LEMD1: variants seen among roughly 807,000 people sequenced by gnomAD.
LEMD1 encodes LEM domain-containing protein 1.
A neutral mutation model predicts 17.4 loss-of-function variants in LEMD1; 18 were observed. That is an observed-to-expected ratio of 1.04 (90% confidence interval 0.72 to 1.54). LEMD1 has a LOEUF of 1.54. Ranked by LOEUF, LEMD1 falls within the 40% of genes most tolerant of loss-of-function variation. The pLI is 0.00. For missense variants in LEMD1, 195 were observed against 210.4 expected, an observed-to-expected ratio of 0.93 and a Z score of 0.45; for synonymous variants, 88 against 77.8, an observed-to-expected ratio of 1.13 and a Z score of -0.69.
At chr1:205,449,126 T>C (rs1201149837) in intron 1 of LEMD1, among the ~76,000 whole-genome samples, 1 of 152,022 alleles carries the variant, frequency 6.6e-6, no homozygotes, top group Non-Finnish European at 1.5e-5. Flanking sequence ...GACAAGGCTG[T>C]GGGAGGGGTG....
chr1:205,422,138 C>A (rs1665983902), upstream of LEMD1: 1 of 152,080 alleles, frequency 6.6e-6, no homozygotes, highest in Non-Finnish European at 1.5e-5. Flanking sequence ...CATCAGTAAC[C>A]CCCATAGCAA....
At chr1:205,391,946 GAAAAAA>G (rs60047814) in intron 4 of LEMD1, among the ~76,000 whole-genome samples, 29,549 of 109,976 alleles carry the variant, frequency 0.27, 3,139 homozygotes, top group Middle Eastern at 0.35. Flanking sequence ...CGTCTCTACC[GAAAAAA>G]AAAAAAAAAA....
At chr1:205,420,797 G>A (rs1292542892) in intron 1 of LEMD1, among the ~76,000 whole-genome samples, 1 of 152,118 alleles carries the variant, frequency 6.6e-6, no homozygotes, top group Non-Finnish European at 1.5e-5. Flanking sequence ...AGTGTCTTTA[G>A]GGCTCAATTA....
chr1:205,414,158 A>C (rs1248285999), intron 4 of LEMD1, among the ~76,000 whole-genome samples: 1 of 152,170 alleles, frequency 6.6e-6, no homozygotes, highest in Non-Finnish European at 1.5e-5. Context: ...GGTGTATAGC[A>C]AGTTTGCATC....
At chr1:205,413,859 A>T (rs1039325147) in intron 4 of LEMD1, among the ~76,000 whole-genome samples, 7 of 151,820 alleles carry the variant, frequency 4.6e-5, no homozygotes, top group African/African-American at 1.7e-4. Context: ...TCGCCATGTT[A>T]GCCAGACTGG....
intron 1 of LEMD1, among the ~76,000 whole-genome samples, chr1:205,439,445 C>T (rs559154470): frequency 6.6e-6 from 1 of 152,362 alleles, no homozygotes; most frequent in South Asian, 2.1e-4. Context: ...CCAGGAAAGG[C>T]CCCTGAGTGT....
chr1:205,410,782 C>T (rs191791522), intron 4 of LEMD1, among the ~76,000 whole-genome samples: 1 of 151,996 alleles, frequency 6.6e-6, no homozygotes, highest in Non-Finnish European at 1.5e-5. Flanking sequence ...CAGAGGTTAA[C>T]TTGAGCTCAA....
chr1:205,406,083 C>A (rs1310541957), intron 4 of LEMD1, among the ~76,000 whole-genome samples: 1 of 152,166 alleles, frequency 6.6e-6, no homozygotes, highest in Non-Finnish European at 1.5e-5. Flanking sequence ...CAGAGGAGTA[C>A]CCGGCTGTGT....
At chr1:205,410,965 G>A (rs1665365443) in intron 4 of LEMD1, among the ~76,000 whole-genome samples, 1 of 146,622 alleles carries the variant, frequency 6.8e-6, no homozygotes, top group Non-Finnish European at 1.5e-5. Context: ...AATAGAGAAA[G>A]AAAGAAGGAA....
At chr1:205,427,730 T>C (rs958742419) in intron 1 of LEMD1, among the ~76,000 whole-genome samples, 1 of 151,584 alleles carries the variant, frequency 6.6e-6, no homozygotes, top group Non-Finnish European at 1.5e-5. Context: ...AGAAAGATAA[T>C]AAAAGTGGAA....
intron 1 of LEMD1, among the ~76,000 whole-genome samples, chr1:205,428,866 A>G (rs559805040): frequency 6.6e-6 from 1 of 151,958 alleles, no homozygotes; most frequent in African/African-American, 2.4e-5. Context: ...TGGGGTGGAG[A>G]GTGGAGAGTG....
At chr1:205,390,211 C>T (rs12139623) in intron 4 of LEMD1, among the ~76,000 whole-genome samples, 10,742 of 151,994 alleles carry the variant, frequency 0.071, 458 homozygotes, top group East Asian at 0.11. Context: ...AAAAATTAGC[C>T]GGGCATGGTG....
At chr1:205,383,021 CTT>C (rs746998224) in intron 5 of LEMD1, among the ~76,000 whole-genome samples, 1 of 152,098 alleles carries the variant, frequency 6.6e-6, no homozygotes, top group Non-Finnish European at 1.5e-5. Flanking sequence ...ACTACTTACT[CTT>C]TTTATTCGTT....
intron 5 of LEMD1, among the ~76,000 whole-genome samples, chr1:205,383,150 G>A (rs560719349): frequency 2.0e-5 from 3 of 151,962 alleles, no homozygotes; most frequent in Non-Finnish European, 4.4e-5. Context: ...ATGCAGTGGC[G>A]TGATCATAGC....
chr1:205,445,995 C>T, intron 1 of LEMD1, among the ~76,000 whole-genome samples: 1 of 152,112 alleles, frequency 6.6e-6, no homozygotes, highest in East Asian at 1.9e-4. Context: ...CATGGGCCCA[C>T]TCTCGCAAGG....
At chr1:205,422,897 C>G (rs1666000584), upstream of LEMD1, among the ~76,000 whole-genome samples, 1 of 152,202 alleles carries the variant, frequency 6.6e-6, no homozygotes, top group Admixed American at 6.5e-5. Flanking sequence ...ACTAACTTCA[C>G]TGTGTCTCCT....
At chr1:205,394,092 C>G (rs567709308) in intron 4 of LEMD1, among the ~76,000 whole-genome samples, 2 of 149,172 alleles carry the variant, frequency 1.3e-5, no homozygotes, top group African/African-American at 5.0e-5. Context: ...TTATATGAAG[C>G]GAAAGAAGTG....
At chr1:205,439,498 C>T (rs1205821686) in intron 1 of LEMD1, among the ~76,000 whole-genome samples, 1 of 152,212 alleles carries the variant, frequency 6.6e-6, no homozygotes, top group East Asian at 1.9e-4. Context: ...ATAGAATGTG[C>T]CCTTGCTTCT....
At chr1:205,389,014 T>A (rs1664188585) in intron 4 of LEMD1, among the ~76,000 whole-genome samples, 1 of 143,754 alleles carries the variant, frequency 7.0e-6, no homozygotes, top group East Asian at 2.2e-4. Context: ...CTCATTAAAA[T>A]CACCAAAAAG....
Sources: allele counts gnomAD v4.1 joint callset (sites outside exome capture counted in the v4.1 genomes callset), GRCh38; gene constraint gnomAD v4.1.1; transcripts MANE v1.5; gene names NCBI Gene and HGNC (gene_info 2026-07-23, HGNC 2026-07-21).